The following DSCAM variants were observed in gnomAD, a reference collection of about 807,000 sequenced individuals.
DSCAM encodes the protein cell adhesion molecule DSCAM.
A neutral mutation model predicts 217.7 loss-of-function variants in DSCAM; 47 were observed. The observed-to-expected ratio is 0.22, with a 90% CI of 0.17 to 0.28. The LOEUF is 0.28. Among genes scored for constraint, DSCAM ranks in the 10% least tolerant of loss-of-function variants. DSCAM has a pLI of 1.00. For missense variants in DSCAM, 2,080 were observed against 2,618.3 expected (o/e 0.79, Z 4.49); for synonymous variants, 1,056 against 1,015.3 (o/e 1.04, Z -0.76).
intron 1 of DSCAM, among the ~76,000 whole-genome samples, chr21:40,819,423 A>C (rs922023524): frequency 7.4e-6 from 1 of 134,624 alleles, no homozygotes; most frequent in Non-Finnish European, 1.6e-5. Flanking sequence ...ACCCTATAAG[A>C]TGTTGAGTCT....
At chr21:40,591,077 T>G (rs1275377416) in intron 3 of DSCAM, among the ~76,000 whole-genome samples, 1 of 151,244 alleles carries the variant, frequency 6.6e-6, no homozygotes, top group Non-Finnish European at 1.5e-5. Flanking sequence ...GTTCTCGTGA[T>G]AGTGAAGGAG....
At chr21:40,669,645 C>T (rs2090248293) in intron 3 of DSCAM, among the ~76,000 whole-genome samples, 1 of 146,006 alleles carries the variant, frequency 6.8e-6, no homozygotes, top group African/African-American at 2.5e-5. Context: ...GCAGCTTGAT[C>T]TTGGCTCACT....
chr21:40,230,571 A>G (rs969189455), intron 11 of DSCAM, among the ~76,000 whole-genome samples: 1 of 152,138 alleles, frequency 6.6e-6, no homozygotes, highest in African/African-American at 2.4e-5. Context: ...TTCTTTTTGA[A>G]TATATGGATT....
intron 1 of DSCAM, among the ~76,000 whole-genome samples, chr21:40,715,591 T>C (rs1195494445): frequency 1.3e-5 from 2 of 152,212 alleles, no homozygotes; most frequent in East Asian, 1.9e-4. Context: ...AGTCAGAATA[T>C]GAAAATTATT....
intron 11 of DSCAM, among the ~76,000 whole-genome samples, chr21:40,246,651 CA>C (rs2073230436): frequency 6.6e-6 from 1 of 152,046 alleles, no homozygotes; most frequent in Non-Finnish European, 1.5e-5. Flanking sequence ...AGGTGAAGTC[CA>C]TACTACTGTA....
At chr21:40,844,918 C>T (rs1228658358) in intron 1 of DSCAM, among the ~76,000 whole-genome samples, 1 of 152,150 alleles carries the variant, frequency 6.6e-6, no homozygotes, top group Non-Finnish European at 1.5e-5. Context: ...TTCTTATAAC[C>T]CAGGCCTTTC....
At chr21:40,525,971 C>T (rs150921517) in intron 3 of DSCAM, among the ~76,000 whole-genome samples, 3,853 of 151,930 alleles carry the variant, frequency 0.025, 80 homozygotes, top group Non-Finnish European at 0.037. Context: ...TCTCGGGGGC[C>T]CCAGGTGGGA....
intron 1 of DSCAM, among the ~76,000 whole-genome samples, chr21:40,828,803 A>G (rs1376635797): frequency 1.3e-5 from 2 of 152,028 alleles, no homozygotes; most frequent in Non-Finnish European, 2.9e-5. Flanking sequence ...CTACAGGCAC[A>G]TGCCACCACA....
At chr21:40,679,456 T>C (rs1244237901) in intron 3 of DSCAM, among the ~76,000 whole-genome samples, 1 of 152,232 alleles carries the variant, frequency 6.6e-6, no homozygotes, top group Non-Finnish European at 1.5e-5. Flanking sequence ...TGAAGCTCTC[T>C]CTGCCTCAGC....
chr21:40,722,989 A>G (rs1490309024), intron 1 of DSCAM, among the ~76,000 whole-genome samples: 1 of 152,128 alleles, frequency 6.6e-6, no homozygotes, highest in Non-Finnish European at 1.5e-5. Context: ...ATGTCTATGT[A>G]CCTAATAAAA....
At position 40,629,074 on chromosome 21, in the gene DSCAM, GTGGTGTGTGTGTGTGTGTGTGTGT is replaced by G. The variant is rs2089647966; in HGVS notation, c.508+63712_508+63735del. ...GTATGTGTGTGTAGTATGTGTGTGTGTGGTGTGTGTGTGTGTGTGTGTGTGTGTGTGTGTGTGTGTGTGTGATAT... is the reference window on the plus strand; with the variant it reads ...GTATGTGTGTGTAGTATGTGTGTGTGGTGTGTGTGTGTGTGTGTGTGATAT... On this transcript the variant is annotated intron_variant, in intron 3 of 32. Transcript: ENST00000400454. Among the ~76,000 whole-genome samples, 13 of 133,478 alleles carry G rather than the reference GTGGTGTGTGTGTGTGTGTGTGTGT, an allele frequency of 9.7e-5. 1 individual carries two copies. Among genetic ancestry groups the G allele is most frequent in the South Asian group, 7.8e-4 (3 of 3,854 alleles). The allele number at this position is 133,478 out of a possible 152,430, so 87.6% of individuals were successfully genotyped here. A position where few individuals can be genotyped will look rare whatever the true frequency, so the allele number is the denominator to read the frequency against.
rs1437172796 is a variant in DSCAM, at chr21:40,044,167, G to A, written c.5294C>T (p.Thr1765Ile). Residue 1765 changes from threonine to isoleucine, a missense_variant, in exon 31 of 33, where the codon ACC becomes ATC. This residue lies in a region of DSCAM where 1,144 missense variants were observed against 1,421.1 expected (regional missense o/e 0.81). Coordinates refer to ENST00000400454, the MANE Select transcript of DSCAM (RefSeq NM_001389.5). ...PHPTISAHTL[T>I]TDWRLPTPRA... ...GGGTGTTGGCAGCCTCCAGTCTGTG[G>A]TGAGGGTGTGTGCTGAGATGGTGGG... 1.2e-6 allele frequency: 2 copies of A among 1,614,080 alleles called. No individual in the cohort carries two copies. Among genetic ancestry groups the A allele is most frequent in the Non-Finnish European group, 8.5e-7 (1 of 1,180,048 alleles).
At chr21:40,603,831 G>A (rs1462641157) in intron 3 of DSCAM, among the ~76,000 whole-genome samples, 1 of 151,306 alleles carries the variant, frequency 6.6e-6, no homozygotes, top group African/African-American at 2.4e-5. Flanking sequence ...TACAGGTAAG[G>A]TGTTTTTCTC....
chr21:40,194,425 C>A (rs1018435087), intron 11 of DSCAM, among the ~76,000 whole-genome samples: 1 of 152,002 alleles, frequency 6.6e-6, no homozygotes, highest in African/African-American at 2.4e-5. Context: ...GCCCTTTTTG[C>A]GAGGATTTCT....
At chr21:40,429,897 T>C (rs939639273) in intron 3 of DSCAM, among the ~76,000 whole-genome samples, 3 of 152,226 alleles carry the variant, frequency 2.0e-5, no homozygotes, top group Non-Finnish European at 2.9e-5. Context: ...ACCTCTTTCC[T>C]TAATGCAATT....
At position 40,779,733 on chromosome 21, in the gene DSCAM, AG is replaced by A. The variant is rs561783309; in HGVS notation, c.43+66885del. 1.3e-3 allele frequency among the ~76,000 whole-genome samples: 183 copies of A among 140,512 alleles called. 1 individual carries two copies. The highest frequency in any genetic ancestry group is 4.4e-3 in the African/African-American group (181 of 41,130). 92.2% of individuals were successfully genotyped at this position (140,512 alleles called of 152,430 possible). The stretch of plus-strand genomic sequence containing the variant: ...CTTAGCCAGGACTTGAGTGACCTGG[AG>A]GGACAGCCGGGCCTGGCAAAGGGAT... On this transcript the variant is annotated intron_variant, in intron 1 of 32. Transcript: ENST00000400454.
chr21:40,264,682 T>C (rs2073498843), intron 11 of DSCAM, among the ~76,000 whole-genome samples: 1 of 152,104 alleles, frequency 6.6e-6, no homozygotes, highest in South Asian at 2.1e-4. Flanking sequence ...CCATTCATCA[T>C]AATACTGGCA....
At chr21:40,810,834 G>T (rs2091831499) in intron 1 of DSCAM, among the ~76,000 whole-genome samples, 1 of 152,174 alleles carries the variant, frequency 6.6e-6, no homozygotes, top group African/African-American at 2.4e-5. Flanking sequence ...GAGCCTTGGA[G>T]TTCAAGGCTG....
chr21:40,227,028 C>G (rs1001791448), intron 11 of DSCAM, among the ~76,000 whole-genome samples: 4 of 152,130 alleles, frequency 2.6e-5, no homozygotes, highest in African/African-American at 9.7e-5. Flanking sequence ...CGTTAGTTTG[C>G]TAAGGATAAT....
Sources: allele counts gnomAD v4.1 joint callset (sites outside exome capture counted in the v4.1 genomes callset), GRCh38; gene constraint gnomAD v4.1.1; regional missense constraint gnomAD v4.1.1; transcripts MANE v1.5; gene names NCBI Gene and HGNC (gene_info 2026-07-23, HGNC 2026-07-21).